Variants in GRIA1 observed in about 807,000 individuals in gnomAD.
GRIA1 encodes the protein glutamate ionotropic receptor AMPA type subunit 1, also known as glutamate receptor 1.
GRIA1 carries 31 observed loss-of-function variants against 99.2 expected under a neutral mutation model. The observed-to-expected ratio is 0.31, with a 90% CI of 0.23 to 0.42. The LOEUF (loss-of-function observed/expected upper bound fraction) is 0.42. Among genes scored for constraint, GRIA1 ranks in the 10% least tolerant of loss-of-function variants. The pLI is 1.00. For missense variants in GRIA1, 782 were observed against 1,157.5 expected (o/e 0.68, Z 4.71); for synonymous variants, 438 against 432.4 (o/e 1.01, Z -0.16).
At chr5:153,527,038 G>A (rs1317931667) in intron 2 of GRIA1, among the ~76,000 whole-genome samples, 2 of 152,156 alleles carry the variant, frequency 1.3e-5, no homozygotes, top group Non-Finnish European at 2.9e-5. Flanking sequence ...ATTATTTCCA[G>A]TATCCCCTAG....
intron 7 of GRIA1, among the ~76,000 whole-genome samples, chr5:153,683,004 G>A (rs924174432): frequency 6.6e-6 from 1 of 152,214 alleles, no homozygotes; most frequent in Non-Finnish European, 1.5e-5. Context: ...TTCATGGAGG[G>A]AGTTGAGGGC....
At chr5:153,723,388 G>A (rs1458350307) in intron 11 of GRIA1, among the ~76,000 whole-genome samples, 1 of 152,192 alleles carries the variant, frequency 6.6e-6, no homozygotes, top group East Asian at 1.9e-4. Flanking sequence ...CCAGACAGTG[G>A]GCGCAGGACA....
intron 4 of GRIA1, among the ~76,000 whole-genome samples, chr5:153,650,896 T>TA (rs71575151): frequency 0.13 from 9,389 of 70,000 alleles, 724 homozygotes; most frequent in Middle Eastern, 0.28. Flanking sequence ...CTGTCTCCAC[T>TA]AAAAAAAAAA....
At chr5:153,672,584 T>TA (rs1561752102) in intron 5 of GRIA1, among the ~76,000 whole-genome samples, 3 of 134,618 alleles carry the variant, frequency 2.2e-5, no homozygotes, top group Admixed American at 1.6e-4. Flanking sequence ...ATAGAAACAA[T>TA]AAAAAATCGC....
chr5:153,526,856 A>G (rs1330051768), intron 2 of GRIA1, among the ~76,000 whole-genome samples: 1 of 152,184 alleles, frequency 6.6e-6, no homozygotes, highest in African/African-American at 2.4e-5. Flanking sequence ...TATCAGCTTC[A>G]TGACTCTATG....
chr5:153,630,789 C>T (rs1015357410), intron 2 of GRIA1, among the ~76,000 whole-genome samples: 1 of 152,114 alleles, frequency 6.6e-6, no homozygotes, highest in Non-Finnish European at 1.5e-5. Context: ...CAACAGGTGG[C>T]CCCAGTTGTA....
intron 15 of GRIA1, among the ~76,000 whole-genome samples, chr5:153,803,191 C>CAA (rs1766173364): frequency 6.6e-6 from 1 of 152,170 alleles, no homozygotes; most frequent in Non-Finnish European, 1.5e-5. Flanking sequence ...ATTTACTTTT[C>CAA]TAAAAGAGCT....
chr5:153,733,639 C>T (rs1025320613), intron 11 of GRIA1, among the ~76,000 whole-genome samples: 2 of 152,100 alleles, frequency 1.3e-5, no homozygotes, highest in Non-Finnish European at 2.9e-5. Flanking sequence ...TAAGTACACA[C>T]ATAGGCTGAA....
chr5:153,621,322 A>G lies in GRIA1; in HGVS notation c.221-25606A>G, dbSNP rs1767025219. Among the ~76,000 whole-genome samples, 2 of 152,134 alleles carry G rather than the reference A, an allele frequency of 1.3e-5. 1 individual carries two copies. Among genetic ancestry groups the G allele is most frequent in the South Asian group, 4.1e-4 (2 of 4,822 alleles). On this transcript the variant is annotated intron_variant, in intron 2 of 15. Coordinates refer to ENST00000285900, the MANE Select transcript of GRIA1 (RefSeq NM_000827.4). ...CATCTGAAAGAAATTAAGGTTTAGG[A>G]CAGGCATGGTGGTACACACCTGTAA...
chr5:153,627,583 C>A (rs574373299), intron 2 of GRIA1, among the ~76,000 whole-genome samples: 15 of 151,576 alleles, frequency 9.9e-5, no homozygotes, highest in African/African-American at 3.4e-4. Context: ...AAGAATGGGG[C>A]AAGCGATGCT....
At position 153,534,117 on chromosome 5, in the gene GRIA1, C is replaced by T. The variant is rs189623805; in HGVS notation, c.220+40052C>T. On this transcript the variant is annotated intron_variant, in intron 2 of 15. Transcript: ENST00000285900. The stretch of plus-strand genomic sequence containing the variant: ...ATGCTGCCTCGGAAATGTCACCTAA[C>T]CTAGAAATAGTGTTTATTCTGTTAC... Among the ~76,000 whole-genome samples the T allele has an allele frequency of 6.6e-5, 10 of 152,282 alleles. No individual in the cohort carries two copies. The East Asian group carries it at 1.3e-3, about 21-fold the overall frequency.
chr5:153,692,387 G>A (rs1757825613), intron 8 of GRIA1, among the ~76,000 whole-genome samples: 1 of 152,190 alleles, frequency 6.6e-6, no homozygotes, highest in Non-Finnish European at 1.5e-5. Flanking sequence ...TACAGCCCAT[G>A]AGCTAATGGT....
intron 2 of GRIA1, among the ~76,000 whole-genome samples, chr5:153,544,003 G>T (rs1759381330): frequency 6.6e-6 from 1 of 152,118 alleles, no homozygotes; most frequent in African/African-American, 2.4e-5. Context: ...TTTAAATAGG[G>T]TGGTGAGGGA....
chr5:153,580,111 A>G (rs1762918201), intron 2 of GRIA1, among the ~76,000 whole-genome samples: 1 of 152,182 alleles, frequency 6.6e-6, no homozygotes, highest in South Asian at 2.1e-4. Context: ...CTGTCTTTTA[A>G]CCTCATATGT....
At chr5:153,777,951 T>C (rs1764368836) in intron 13 of GRIA1, among the ~76,000 whole-genome samples, 1 of 152,194 alleles carries the variant, frequency 6.6e-6, no homozygotes, top group Admixed American at 6.5e-5. Context: ...GGATGCTTGT[T>C]GTCATGGTAA....
intron 3 of GRIA1, among the ~76,000 whole-genome samples, chr5:153,649,256 A>T (rs766268574): frequency 6.6e-6 from 1 of 152,212 alleles, no homozygotes; most frequent in Non-Finnish European, 1.5e-5. Flanking sequence ...GAACTGTAAG[A>T]TAGTACATTT....
chr5:153,752,483 A>C (rs544627138), intron 11 of GRIA1, among the ~76,000 whole-genome samples: 1 of 152,324 alleles, frequency 6.6e-6, no homozygotes, highest in East Asian at 1.9e-4. Flanking sequence ...ATGGCTTAAC[A>C]GAGTGTTAAA....
At position 153,813,537 on chromosome 5, in the gene GRIA1, A is replaced by T. The variant is rs1766969443; in HGVS notation, c.*2312A>T. On this transcript the variant is annotated 3_prime_UTR_variant, in exon 16 of 16. Coordinates refer to ENST00000285900, the MANE Select transcript of GRIA1 (RefSeq NM_000827.4). ...GAAATGAAAGGAAAACACAAGCAAG[A>T]AAAAAGTTAACTTGTATTATGTATT... is the stretch of plus-strand genomic sequence containing the variant. 6.6e-6 allele frequency: 1 copy of T among 152,232 alleles called. No individual in the cohort carries two copies. The highest frequency in any genetic ancestry group is 1.9e-4 in the East Asian group (1 of 5,200). 9.4% of individuals were successfully genotyped at this position (152,232 alleles called of 1,614,324 possible). A position where few individuals can be genotyped will look rare whatever the true frequency, so the allele number is the denominator to read the frequency against.
intron 14 of GRIA1, among the ~76,000 whole-genome samples, chr5:153,795,182 A>T (rs866161700): frequency 3.3e-5 from 5 of 152,146 alleles, no homozygotes; most frequent in Admixed American, 6.5e-5. Context: ...GAGGGTCCCC[A>T]GGCACCCATG....
Sources: allele counts gnomAD v4.1 joint callset (sites outside exome capture counted in the v4.1 genomes callset), GRCh38; gene constraint gnomAD v4.1.1; transcripts MANE v1.5; gene names NCBI Gene and HGNC (gene_info 2026-07-23, HGNC 2026-07-21).